DAB1: variants seen among roughly 807,000 people sequenced by gnomAD.
The protein encoded by DAB1 is DAB adaptor protein 1, also known as disabled homolog 1.
Under a neutral mutation model 64.6 loss-of-function variants are expected in DAB1, and 15 were observed. That is an observed-to-expected ratio of 0.23 (90% CI 0.16 to 0.36). DAB1 has a LOEUF of 0.36. Ranked by LOEUF, DAB1 falls within the 10% of genes least tolerant of loss-of-function variation. DAB1 has a pLI of 1.00. For missense variants in DAB1, 596 were observed against 706.7 expected, an observed-to-expected ratio of 0.84 and a Z score of 1.78; for synonymous variants, 235 against 251.9, an observed-to-expected ratio of 0.93 and a Z score of 0.64.
intron 6 of DAB1, among the ~76,000 whole-genome samples, chr1:57,686,560 G>A (rs1403078680): frequency 6.6e-6 from 1 of 152,108 alleles, no homozygotes; most frequent in Non-Finnish European, 1.5e-5. Flanking sequence ...TATGAAGCCA[G>A]AATCAGTCTG....
intron 4 of DAB1, among the ~76,000 whole-genome samples, chr1:58,244,965 G>C (rs1660464188): frequency 6.6e-6 from 1 of 152,096 alleles, no homozygotes; most frequent in Non-Finnish European, 1.5e-5. Context: ...CTGCCTCACT[G>C]ACAAATTATC....
At chr1:58,093,094 C>T (rs1014968418) in intron 5 of DAB1, among the ~76,000 whole-genome samples, 4 of 152,280 alleles carry the variant, frequency 2.6e-5, no homozygotes, top group Non-Finnish European at 1.5e-5. Context: ...TCCCATTTTG[C>T]TGGGAGCGCC....
chr1:58,323,974 C>A (rs1206013919), intron 4 of DAB1, among the ~76,000 whole-genome samples: 5 of 149,032 alleles, frequency 3.4e-5, no homozygotes, highest in Non-Finnish European at 5.9e-5. Flanking sequence ...AGGTAACCAT[C>A]AATTAAAAAA....
upstream of DAB1, among the ~76,000 whole-genome samples, chr1:57,424,354 C>G (rs1208685205): frequency 1.3e-5 from 2 of 151,768 alleles, no homozygotes; most frequent in Non-Finnish European, 2.9e-5. Flanking sequence ...AGCGAGCGAG[C>G]GAGCGGGGGC....
intron 7 of DAB1, among the ~76,000 whole-genome samples, chr1:57,556,574 T>C (rs565294830): frequency 7.2e-5 from 11 of 152,334 alleles, no homozygotes; most frequent in African/African-American, 2.4e-4. Flanking sequence ...CATTTGTATA[T>C]CTTCTTTTGA....
chr1:58,444,865 TTAA>T (rs747593110), intron 3 of DAB1, among the ~76,000 whole-genome samples: 37 of 152,204 alleles, frequency 2.4e-4, no homozygotes, highest in Non-Finnish European at 4.6e-4. Context: ...TGTTACTATA[TTAA>T]TAATATGATG....
intron 4 of DAB1, among the ~76,000 whole-genome samples, chr1:58,280,413 C>A (rs1449946995): frequency 6.6e-6 from 1 of 152,182 alleles, no homozygotes; most frequent in Non-Finnish European, 1.5e-5. Context: ...TCTGGTTCAG[C>A]CACCCGAGAC....
At chr1:57,188,968 A>G (rs1041563047) in intron 2 of DAB1, among the ~76,000 whole-genome samples, 1 of 152,178 alleles carries the variant, frequency 6.6e-6, no homozygotes, top group Admixed American at 6.5e-5. Context: ...GAATCTCAAA[A>G]AAAAGTTCGG....
At position 57,102,895 on chromosome 1, in the gene DAB1, C is replaced by A. The variant is rs144243158; in HGVS notation, c.307-30481G>T. Among the ~76,000 whole-genome samples the A allele has an allele frequency of 7.3e-3, 1,119 of 152,258 alleles. 14 individuals are homozygous for A. Among genetic ancestry groups the A allele is most frequent in the Middle Eastern group, 0.014 (4 of 294 alleles). ...CAGCTCAGTAGATTTCTGCATCGTG[C>A]CAGGCCCAAGGAAGCTCCTATGCAA... On this transcript the variant is annotated intron_variant, in intron 4 of 14. Transcript: ENST00000371236.
rs537822995 is a variant in DAB1 at position 57,410,400 on chromosome 1, C to CCTA, written c.-137+13527_-137+13529dup. Among the ~76,000 whole-genome samples the CCTA allele has an allele frequency of 4.2e-4, 64 of 152,168 alleles. 1 individual carries two copies. The South Asian group carries it at 8.9e-3, about 21-fold the overall frequency. ...CAGAAACTCTCAATCTTTAGAGGAA[C>CCTA]CTAGATCAATAGATGTGGAACAGAA... On this transcript the variant is annotated intron_variant, in intron 1 of 14. Transcript: ENST00000371236.
At chr1:57,592,123 G>T (rs187249558) in intron 7 of DAB1, among the ~76,000 whole-genome samples, 8 of 152,258 alleles carry the variant, frequency 5.3e-5, no homozygotes, top group African/African-American at 1.7e-4. Context: ...CTGAGTGTTG[G>T]CACTTAAGGA....
chr1:58,291,865 C>T (rs1274523790), intron 4 of DAB1, among the ~76,000 whole-genome samples: 2 of 152,184 alleles, frequency 1.3e-5, no homozygotes, highest in African/African-American at 4.8e-5. Context: ...TATGTATCAA[C>T]CTGACTGTAC....
At chr1:57,435,079 C>T (rs1364305001) in intron 7 of DAB1, among the ~76,000 whole-genome samples, 3 of 126,278 alleles carry the variant, frequency 2.4e-5, no homozygotes, top group African/African-American at 9.3e-5. Flanking sequence ...GAGAGAGTCT[C>T]GCTCTGTCAC....
intron 10 of DAB1, among the ~76,000 whole-genome samples, 190 bp downstream of exon 10, chr1:57,025,791 C>T (rs910635249): frequency 3.9e-5 from 6 of 152,212 alleles, no homozygotes; most frequent in Non-Finnish European, 7.3e-5. Flanking sequence ...CATACTTCCC[C>T]TTTATAAATA....
chr1:57,581,190 C>A (rs1429351023), intron 7 of DAB1, among the ~76,000 whole-genome samples: 1 of 151,958 alleles, frequency 6.6e-6, no homozygotes, highest in African/African-American at 2.4e-5. Flanking sequence ...CTTCACTTGA[C>A]AAAGGTAAAA....
chr1:57,807,701 A>C (rs546618101), intron 6 of DAB1, among the ~76,000 whole-genome samples: 1 of 152,244 alleles, frequency 6.6e-6, no homozygotes, highest in South Asian at 2.1e-4. Context: ...TTTCAATAAA[A>C]GTTACACTGA....
intron 5 of DAB1, among the ~76,000 whole-genome samples, chr1:57,919,119 A>AAT (rs1194267761): frequency 6.6e-6 from 1 of 152,142 alleles, no homozygotes; most frequent in East Asian, 1.9e-4. Context: ...GTGTCCCTGG[A>AAT]ATATGCCCCC....
intron 7 of DAB1, among the ~76,000 whole-genome samples, chr1:57,514,370 T>C (rs1307312854): frequency 1.3e-5 from 2 of 152,242 alleles, no homozygotes; most frequent in Non-Finnish European, 2.9e-5. Flanking sequence ...TAATAGTCCG[T>C]TTAACAGGTG....
intron 9 of DAB1, among the ~76,000 whole-genome samples, chr1:57,042,845 ACACAC>A (rs1257522950): frequency 1.3e-5 from 2 of 151,604 alleles, no homozygotes; most frequent in Non-Finnish European, 2.9e-5. Context: ...ACACACGATC[ACACAC>A]ACACATACAT....
Sources: gnomAD v4.1 joint callset for allele counts (sites outside exome capture counted in the v4.1 genomes callset) on GRCh38, gnomAD v4.1.1 for gene constraint, MANE v1.5 for transcripts, NCBI Gene and HGNC (gene_info 2026-07-23, HGNC 2026-07-21) for gene names.